NXN: variants seen among roughly 807,000 people sequenced by gnomAD.
NXN encodes the protein nucleoredoxin 1.
In NXN, 16 loss-of-function variants were observed where a neutral mutation model predicts 48.6. The ratio of observed to expected loss-of-function variants is 0.33; its 90% CI spans 0.22 to 0.50. The LOEUF (loss-of-function observed/expected upper bound fraction) is 0.50, where lower values mean the gene tolerates loss of function less well. NXN is among the 20% of genes least tolerant of loss of function. The pLI is 0.98. For synonymous variants in NXN, 281 were observed against 269.6 expected, an observed-to-expected ratio of 1.04 and a Z score of -0.41; for missense variants, 492 against 605.5, an observed-to-expected ratio of 0.81 and a Z score of 1.97.
At chr17:898,985 C>T (rs529157961) in intron 1 of NXN, among the ~76,000 whole-genome samples, 1 of 21,896 alleles carries the variant, frequency 4.6e-5, no homozygotes, top group Non-Finnish European at 2.5e-4. Flanking sequence ...TGAGACAGAG[C>T]CTTGCTCTGT....
chr17:812,977 T>C (rs1912245028), intron 5 of NXN, among the ~76,000 whole-genome samples: 1 of 151,966 alleles, frequency 6.6e-6, no homozygotes, highest in Admixed American at 6.6e-5. Context: ...TGTAGGTGTG[T>C]GTGCACATGT....
intron 1 of NXN, among the ~76,000 whole-genome samples, chr17:955,968 G>A (rs2069165085): frequency 6.6e-6 from 1 of 151,930 alleles, no homozygotes; most frequent in Admixed American, 6.6e-5. Flanking sequence ...AGAATCTGGA[G>A]GCTGGTCTGC....
intron 1 of NXN, among the ~76,000 whole-genome samples, chr17:886,318 G>T (rs1287122168): frequency 6.6e-6 from 1 of 152,148 alleles, no homozygotes; most frequent in Admixed American, 6.6e-5. Context: ...TAAGCAAGCA[G>T]AAGGTTCTCT....
intron 1 of NXN, among the ~76,000 whole-genome samples, chr17:862,649 G>A (rs894055538): frequency 4.6e-5 from 7 of 152,228 alleles, no homozygotes; most frequent in East Asian, 3.8e-4. Context: ...CTTACTGCTC[G>A]TTAGTTACAA....
chr17:856,461 C>A (rs914046196), intron 1 of NXN, among the ~76,000 whole-genome samples: 10 of 151,010 alleles, frequency 6.6e-5, no homozygotes, highest in African/African-American at 2.4e-4. Context: ...TAAAGTAGGG[C>A]TCCACTGGTC....
intron 1 of NXN, among the ~76,000 whole-genome samples, chr17:945,854 G>C (rs887610289): frequency 1.3e-5 from 2 of 152,070 alleles, no homozygotes; most frequent in East Asian, 3.9e-4. Context: ...TGATCGTTCA[G>C]AGATAACCCA....
chr17:900,994 C>T (rs1382213269), intron 1 of NXN, among the ~76,000 whole-genome samples: 1 of 133,574 alleles, frequency 7.5e-6, no homozygotes, highest in Non-Finnish European at 1.5e-5. Flanking sequence ...GATCTTGGTT[C>T]ATTGCAACCT....
chr17:973,597 G>A (rs548407243), intron 1 of NXN, among the ~76,000 whole-genome samples: 38 of 152,214 alleles, frequency 2.5e-4, no homozygotes, highest in African/African-American at 8.4e-4. Context: ...GTAATATCCC[G>A]GGACTTTAAG....
chr17:868,057 T>G (rs1324155762), intron 1 of NXN, among the ~76,000 whole-genome samples: 1 of 152,132 alleles, frequency 6.6e-6, no homozygotes, highest in Non-Finnish European at 1.5e-5. Flanking sequence ...TGTGTTGTGC[T>G]CCAGCAGAGC....
chr17:955,636 C>A (rs1289717101), intron 1 of NXN, among the ~76,000 whole-genome samples: 1 of 147,268 alleles, frequency 6.8e-6, no homozygotes, highest in Admixed American at 6.8e-5. Context: ...GTGGCTCACG[C>A]CTGTAATCCC....
Position 873,860 on chromosome 17 carries a change from G to T in NXN, c.361-47782C>A, listed in dbSNP as rs189955598. 6.9e-4 allele frequency among the ~76,000 whole-genome samples: 105 copies of T among 152,224 alleles called. 1 individual carries two copies. Among genetic ancestry groups the T allele is most frequent in the South Asian group, 4.6e-3 (22 of 4,816 alleles). ...ATAGGACAGTGAGTGAGGGAGTGGGGGAAACACACGGGTTCTGGTGAGGAT... is the reference window on the plus strand; with the variant it reads ...ATAGGACAGTGAGTGAGGGAGTGGGTGAAACACACGGGTTCTGGTGAGGAT... On this transcript the variant is annotated intron_variant, in intron 1 of 7. Coordinates refer to ENST00000336868, the MANE Select transcript of NXN (RefSeq NM_022463.5).
At chr17:874,039 G>A (rs1272137207) in intron 1 of NXN, among the ~76,000 whole-genome samples, 2 of 151,114 alleles carry the variant, frequency 1.3e-5, no homozygotes, top group Non-Finnish European at 3.0e-5. Flanking sequence ...AATCCCACAT[G>A]TAGTGGGAGG....
rs190119374 is a variant in NXN at position 845,160 on chromosome 17, T to C, written c.361-19082A>G. Among the ~76,000 whole-genome samples, 64 of 152,044 alleles carry C rather than the reference T, an allele frequency of 4.2e-4. 1 individual carries two copies. In the East Asian group the frequency reaches 0.012, roughly 28 times the overall value. On this transcript the variant is annotated intron_variant, in intron 1 of 7. Transcript: ENST00000336868. ...TCATAAACTATGGGAACACGGGAGG[T>C]GATCCACTGAATTGAGAGTGAGAGA...
At chr17:814,156 G>A (rs193251151) in intron 5 of NXN, among the ~76,000 whole-genome samples, 28 of 149,740 alleles carry the variant, frequency 1.9e-4, no homozygotes, top group Middle Eastern at 3.4e-3. Context: ...CAGCTACTCC[G>A]GAGGCTGACG....
chr17:832,208 C>T (rs949520070), intron 1 of NXN, among the ~76,000 whole-genome samples: 15 of 151,816 alleles, frequency 9.9e-5, no homozygotes, highest in African/African-American at 2.9e-4. Flanking sequence ...GATGGAGTCT[C>T]GCTCTGTCAC....
intron 1 of NXN, among the ~76,000 whole-genome samples, chr17:949,773 C>G (rs1030841321): frequency 7.9e-5 from 12 of 151,004 alleles, no homozygotes; most frequent in Admixed American, 4.0e-4. Flanking sequence ...CTGCCTCAGT[C>G]TGGAAAGGGG....
Position 906,943 on chromosome 17 carries a change from T to C in NXN, c.360+72376A>G, listed in dbSNP as rs955154653. On this transcript the variant is annotated intron_variant, in intron 1 of 7. Coordinates refer to ENST00000336868, the MANE Select transcript of NXN (RefSeq NM_022463.5). The stretch of plus-strand genomic sequence containing the variant: ...CCAGTTACTTTAAGAGACTAGATCA[T>C]CCTCAAACAGCAGCAGCATCTTTTC... Among the ~76,000 whole-genome samples, 4 of 152,180 alleles carry C rather than the reference T, an allele frequency of 2.6e-5. No homozygotes were observed. In the East Asian group the frequency reaches 5.8e-4, roughly 22 times the overall value.
At chr17:873,986 G>A (rs1203157345) in intron 1 of NXN, among the ~76,000 whole-genome samples, 4 of 152,066 alleles carry the variant, frequency 2.6e-5, no homozygotes, top group African/African-American at 9.7e-5. Context: ...ACATGGTTTG[G>A]CTGTGTACCC....
intron 1 of NXN, among the ~76,000 whole-genome samples, chr17:926,173 G>C (rs1230708113): frequency 6.6e-6 from 1 of 152,092 alleles, no homozygotes; most frequent in Non-Finnish European, 1.5e-5. Context: ...TACCGTCTCT[G>C]TCTCTATTTT....
Sources: gnomAD v4.1 joint callset for allele counts (sites outside exome capture counted in the v4.1 genomes callset) on GRCh38, gnomAD v4.1.1 for gene constraint, MANE v1.5 for transcripts, NCBI Gene and HGNC (gene_info 2026-07-23, HGNC 2026-07-21) for gene names.